USH2A: variants seen among roughly 807,000 people sequenced by gnomAD.
The protein encoded by USH2A is usherin, also known as Usher syndrome 2A (autosomal recessive, mild).
In USH2A, 443 loss-of-function variants were observed where a neutral mutation model predicts 538.9. The ratio of observed to expected loss-of-function variants is 0.82; its 90% CI spans 0.76 to 0.89. USH2A has a LOEUF of 0.89. USH2A is among the 40% of genes least tolerant of loss of function. The pLI is 0.00. For synonymous variants in USH2A, 2,413 were observed against 2,273.5 expected (o/e 1.06, Z -1.75); for missense variants, 6,633 against 6,324.8 (o/e 1.05, Z -1.65).
intron 27 of USH2A, among the ~76,000 whole-genome samples, chr1:216,073,668 G>T (rs1428533757): frequency 6.6e-6 from 1 of 152,168 alleles, no homozygotes; most frequent in African/African-American, 2.4e-5. Context: ...TCTTAATTCT[G>T]AAAGATTAAG....
intron 3 of USH2A, among the ~76,000 whole-genome samples, chr1:216,369,468 C>T (rs1339604663): frequency 6.6e-6 from 1 of 152,192 alleles, no homozygotes; most frequent in Non-Finnish European, 1.5e-5. Flanking sequence ...CGATCACACA[C>T]CACTTAATCT....
rs200319523 is a variant in USH2A, at chr1:216,372,658, CA to C, written c.652-7574del. ...TAGATTACTCTCTTCTCTCTACTGC[CA>C]AAAAAAAGCTATTAATTTACACATA... On this transcript the variant is annotated intron_variant, in intron 3 of 71. Coordinates refer to ENST00000307340, the MANE Select transcript of USH2A (RefSeq NM_206933.4). 4.6e-5 allele frequency among the ~76,000 whole-genome samples: 7 copies of C among 151,302 alleles called. No individual in the cohort carries two copies. The East Asian group carries it at 5.8e-4, about 13-fold the overall frequency.
chr1:215,869,690 T>C (rs1198872841), intron 43 of USH2A, among the ~76,000 whole-genome samples: 4 of 152,210 alleles, frequency 2.6e-5, no homozygotes. Context: ...TCCTCTCCTA[T>C]AATATGTAAA....
chr1:215,735,941 C>T (rs1216715208), intron 60 of USH2A, among the ~76,000 whole-genome samples: 1 of 152,074 alleles, frequency 6.6e-6, no homozygotes, highest in Non-Finnish European at 1.5e-5. Context: ...TTATTTAATT[C>T]TTACAGAATT....
At chr1:215,765,905 AT>A (rs779201423) in intron 56 of USH2A, among the ~76,000 whole-genome samples, 3 of 152,144 alleles carry the variant, frequency 2.0e-5, no homozygotes, top group Non-Finnish European at 2.9e-5. Context: ...TGCTCCCAAC[AT>A]TTTGCTATTA....
chr1:215,796,237 T>C (rs1662130484), intron 50 of USH2A, among the ~76,000 whole-genome samples: 1 of 151,986 alleles, frequency 6.6e-6, no homozygotes, highest in Non-Finnish European at 1.5e-5. Context: ...TTATTGTGCT[T>C]TGATTTACTG....
chr1:215,783,052 C>T (rs1468583400), intron 52 of USH2A, 117 bp from the exon 53 acceptor site: 107 of 879,002 alleles, frequency 1.2e-4, no homozygotes, highest in Middle Eastern at 1.0e-3. Context: ...ATGCTCTAAA[C>T]GCTTTGTATA....
rs777805274 is a variant in USH2A, at chr1:215,846,031, C to G, written c.8848G>C (p.Val2950Leu). 6 of 1,608,718 alleles carry G rather than the reference C, an allele frequency of 3.7e-6. No individual in the cohort carries two copies. In the South Asian group the frequency reaches 6.6e-5, roughly 18 times the overall value. ...TCAACTTCACCTTGTAGGTCTTGAA[C>G]AGCTGTCAACAATAAATGCAGGACA... ...AIDVRWAKPT[V>L]QDLQGEVEYY... Residue 2950 changes from valine (V) to leucine (L), a missense_variant and splice_region_variant, in exon 45 of 72, where the codon GTT becomes CTT. Physicochemically the swap from Val to Leu is conservative, Grantham distance 32. Coordinates refer to ENST00000307340, the MANE Select transcript of USH2A (RefSeq NM_206933.4).
chr1:216,251,441 C>CT (rs2036159905), intron 11 of USH2A, among the ~76,000 whole-genome samples: 5 of 109,952 alleles, frequency 4.5e-5, no homozygotes, highest in East Asian at 5.5e-4. Flanking sequence ...CACCACTTCC[C>CT]CTTTTTTTTT....
At chr1:215,714,013 T>C (rs1230373490) in intron 61 of USH2A, among the ~76,000 whole-genome samples, 2 of 152,132 alleles carry the variant, frequency 1.3e-5, no homozygotes, top group African/African-American at 4.8e-5. Flanking sequence ...ACTCCACAGA[T>C]TGGTTATTGA....
intron 9 of USH2A, among the ~76,000 whole-genome samples, chr1:216,312,428 T>C (rs2037439136): frequency 6.6e-6 from 1 of 152,164 alleles, no homozygotes; most frequent in South Asian, 2.1e-4. Context: ...ATTATATGTA[T>C]TTACATTTTT....
chr1:216,082,690 T>C (rs149595524), intron 26 of USH2A, among the ~76,000 whole-genome samples: 62 of 152,252 alleles, frequency 4.1e-4, no homozygotes, highest in African/African-American at 1.5e-3. Flanking sequence ...CAGTTGCCCA[T>C]TGTATTTAGA....
At chr1:215,900,297 A>C in intron 39 of USH2A, 80 bp from the exon 40 acceptor site, 1 of 1,472,756 alleles carries the variant, frequency 6.8e-7, no homozygotes, top group South Asian at 1.2e-5. Flanking sequence ...ACTACAAAAA[A>C]ATTTTAGAGG....
intron 64 of USH2A, among the ~76,000 whole-genome samples, chr1:215,663,357 A>AAAGGTG (rs1156640391): frequency 2.6e-5 from 4 of 152,158 alleles, no homozygotes; most frequent in African/African-American, 4.8e-5. Flanking sequence ...TTTAAATGAG[A>AAAGGTG]AAGGTGAAGT....
intron 47 of USH2A, among the ~76,000 whole-genome samples, chr1:215,822,759 T>C (rs1305116476): frequency 6.6e-6 from 1 of 152,014 alleles, no homozygotes; most frequent in East Asian, 1.9e-4. Context: ...AGGTTTGTCA[T>C]ACATGGCTTT....
intron 47 of USH2A, among the ~76,000 whole-genome samples, chr1:215,817,794 A>G (rs1662900751): frequency 6.6e-6 from 1 of 151,970 alleles, no homozygotes; most frequent in South Asian, 2.1e-4. Context: ...TATATTTGGC[A>G]TTGGTTCACC....
chr1:216,162,399 G>A (rs935985450), intron 21 of USH2A, among the ~76,000 whole-genome samples: 47 of 151,714 alleles, frequency 3.1e-4, no homozygotes, highest in African/African-American at 1.0e-3. Context: ...CATCCTTTCT[G>A]TCCACCTTGT....
At chr1:215,761,048 T>C (rs1660966470) in intron 56 of USH2A, among the ~76,000 whole-genome samples, 1 of 152,186 alleles carries the variant, frequency 6.6e-6, no homozygotes, top group Admixed American at 6.5e-5. Flanking sequence ...GTGGCAGCAT[T>C]CTTTGCACCA....
chr1:216,086,859 T>C, intron 23 of USH2A, 39 bp from the exon 24 acceptor site: 1 of 1,499,760 alleles, frequency 6.7e-7, no homozygotes, highest in Non-Finnish European at 9.3e-7. Context: ...TTCACCAGGA[T>C]ACTCTAGTTT....
Sources: gnomAD v4.1 joint callset for allele counts (sites outside exome capture counted in the v4.1 genomes callset) on GRCh38, gnomAD v4.1.1 for gene constraint, MANE v1.5 for transcripts, NCBI Gene and HGNC (gene_info 2026-07-23, HGNC 2026-07-21) for gene names.